Variants in SBK1 observed in about 807,000 individuals in gnomAD.
SBK1 encodes the protein SH3 domain binding kinase 1, also known as serine/threonine-protein kinase SBK1.
In SBK1, 11 loss-of-function variants were observed where a neutral mutation model predicts 24.4. That is an observed-to-expected ratio of 0.45 (90% CI 0.28 to 0.75). SBK1 has a LOEUF of 0.75. SBK1 is among the 30% of genes least tolerant of loss of function. SBK1 has a pLI of 0.12. For missense variants in SBK1, 467 were observed against 620.5 expected (o/e 0.75, Z 2.63); for synonymous variants, 308 against 284.4 (o/e 1.08, Z -0.83).
At chr16:28,266,549 G>A (rs2044429530) in intron 1 of SBK1, among the ~76,000 whole-genome samples, 1 of 151,968 alleles carries the variant, frequency 6.6e-6, no homozygotes, top group Non-Finnish European at 1.5e-5. Context: ...TGAAATCAAA[G>A]TGTTGACAGG....
intron 1 of SBK1, among the ~76,000 whole-genome samples, chr16:28,279,413 CAAAAAAAAA>C (rs34582546): frequency 1.2e-5 from 1 of 84,774 alleles, no homozygotes; most frequent in Non-Finnish European, 2.2e-5. Flanking sequence ...AAAACAAAAC[CAAAAAAAAA>C]AAAAAAAAAA....
chr16:28,258,836 T>A (rs1597004930), upstream of SBK1: 2 of 152,774 alleles, frequency 1.3e-5, no homozygotes, highest in South Asian at 4.1e-4. Context: ...CAGCTGCAGG[T>A]CCCAACCCTC....
In SBK1 at chr16:28,293,200, C is replaced by T. The variant is rs1259588721; in HGVS notation, c.-108C>T. On this transcript the variant is annotated 5_prime_UTR_variant, in exon 1 of 4. Transcript: ENST00000341901. The stretch of plus-strand genomic sequence containing the variant: ...GCCCCTGGCGGCACCGCTTGCACCC[C>T]GGTCCATGGTCGTGGCGCCCTGAGC... 2 of 985,414 alleles carry T rather than the reference C, an allele frequency of 2.0e-6. No homozygotes were observed. The highest frequency in any genetic ancestry group is 2.4e-6 in the Non-Finnish European group (2 of 830,006). The allele number at this position is 985,414 out of a possible 1,614,324, so 61.0% of individuals were successfully genotyped here. A position where few individuals can be genotyped will look rare whatever the true frequency, so the allele number is the denominator to read the frequency against.
rs539094698 is a variant in SBK1, at chr16:28,282,477, C to A, written c.257+22975C>A. ...CCCCGAACTTTGTGTCTCCTCTGTACCCCGGTCTCAGTAGGAATTTTACAT... is the reference window on the plus strand; with the variant it reads ...CCCCGAACTTTGTGTCTCCTCTGTAACCCGGTCTCAGTAGGAATTTTACAT... On this transcript the variant is annotated intron_variant, in intron 1 of 3. Transcript: ENST00000671413. 6.6e-5 allele frequency among the ~76,000 whole-genome samples: 10 copies of A among 152,280 alleles called. No homozygotes were observed. In the South Asian group the frequency reaches 1.9e-3, roughly 28 times the overall value.
At chr16:28,280,144 T>TATATATATATATATATATAC (rs1567672155) in intron 1 of SBK1, among the ~76,000 whole-genome samples, 2 of 94,960 alleles carry the variant, frequency 2.1e-5, no homozygotes, top group African/African-American at 3.7e-5. Context: ...TATATATATA[T>TATATATATATATATATATAC]ATATATGTGT....
At chr16:28,268,865 G>A (rs559799250) in intron 1 of SBK1, among the ~76,000 whole-genome samples, 23 of 152,240 alleles carry the variant, frequency 1.5e-4, no homozygotes, top group East Asian at 9.6e-4. Flanking sequence ...ACATTGTCCA[G>A]GAGAGGAGCT....
chr16:28,265,683 G>A (rs1288149811), intron 1 of SBK1, among the ~76,000 whole-genome samples: 1 of 151,980 alleles, frequency 6.6e-6, no homozygotes, highest in Admixed American at 6.6e-5. Flanking sequence ...TGATAAGAAT[G>A]CATCATGAAG....
At chr16:28,308,740 GGTGTGT>G (rs763015809) in intron 1 of SBK1, among the ~76,000 whole-genome samples, 3,644 of 130,566 alleles carry the variant, frequency 0.028, 109 homozygotes, top group African/African-American at 0.082. Flanking sequence ...CGTTCTTTGG[GGTGTGT>G]GTGTGTGTGT....
intron 1 of SBK1, among the ~76,000 whole-genome samples, chr16:28,312,634 C>A (rs1056611908): frequency 6.6e-6 from 1 of 152,176 alleles, no homozygotes; most frequent in African/African-American, 2.4e-5. Context: ...TGAGCGAGGC[C>A]AGGGCACATG....
chr16:28,317,351 G>A lies in SBK1; in HGVS notation c.-7-34G>A, dbSNP rs2044804473. On this transcript the variant is annotated intron_variant, in intron 1 of 3. Coordinates refer to ENST00000341901, the MANE Select transcript of SBK1 (RefSeq NM_001024401.3). This position sits in a 1 kb window ranked among gnomAD's most constrained non-coding sequence, Gnocchi z 4.2. ...CTGGAGGAGGGGACCCTTGCCTGAT[G>A]TCACACTTCATGCTCACCACCCCTA... is the stretch of plus-strand genomic sequence containing the variant. The A allele has an allele frequency of 6.5e-7, 1 of 1,548,564 alleles. No individual in the cohort carries two copies. Among genetic ancestry groups the A allele is most frequent in the Non-Finnish European group, 8.9e-7 (1 of 1,122,378 alleles).
intron 1 of SBK1, 101 bp downstream of exon 1, chr16:28,293,401 C>A: frequency 1.8e-6 from 1 of 545,152 alleles, no homozygotes; most frequent in Non-Finnish European, 2.3e-6. Context: ...CTCCCCCTTC[C>A]CCAGCGTCGC....
intron 1 of SBK1, among the ~76,000 whole-genome samples, chr16:28,313,011 T>C (rs191631360): frequency 1.3e-5 from 2 of 152,342 alleles, no homozygotes; most frequent in East Asian, 3.9e-4. Context: ...ATGCCTGTAA[T>C]TGCAGCTACT....
At chr16:28,261,318 G>A (rs2044396016) in intron 1 of SBK1, among the ~76,000 whole-genome samples, 1 of 152,074 alleles carries the variant, frequency 6.6e-6, no homozygotes, top group African/African-American at 2.4e-5. Flanking sequence ...CATCAGGCGG[G>A]GTGTGGTGGT....
At chr16:28,306,479 G>A (rs1444080379) in intron 1 of SBK1, among the ~76,000 whole-genome samples, 1 of 152,194 alleles carries the variant, frequency 6.6e-6, no homozygotes, top group Non-Finnish European at 1.5e-5. Context: ...CACTGTGCGG[G>A]GTGTTGGCAT....
chr16:28,323,833 A>G lies in SBK1; in HGVS notation c.*2912A>G, dbSNP rs1357767325. 1 of 152,344 alleles carries G rather than the reference A, an allele frequency of 6.6e-6. No homozygotes were observed. Among genetic ancestry groups the G allele is most frequent in the African/African-American group, 2.4e-5 (1 of 41,424 alleles). The allele number at this position is 152,344 out of a possible 1,614,324, so 9.4% of individuals were successfully genotyped here. On this transcript the variant is annotated 3_prime_UTR_variant, in exon 4 of 4. Transcript: ENST00000341901. ...ATGACGATTGCTATAAAAATAAACA[A>G]AAGTTTAGAAAAATGACCACTGGGT...
rs763965274 is a variant in SBK1 at position 28,320,384 on chromosome 16, G to C, written c.738G>C (p.Val246=). 6.3e-6 allele frequency: 10 copies of C among 1,592,394 alleles called. No homozygotes were observed. The highest frequency in any genetic ancestry group is 8.5e-6 in the Non-Finnish European group (10 of 1,175,838). Residue 246 remains valine (V), a synonymous_variant, in exon 4 of 4, where the codon GTG becomes GTC. Coordinates refer to ENST00000341901, the MANE Select transcript of SBK1 (RefSeq NM_001024401.3). The surrounding 1 kb of genome is among the most constrained non-coding windows in gnomAD (Gnocchi z 8.5). ...VWAFGVLIFC[V]LTGNFPWEAA... ...CCTTCGGCGTGCTCATCTTCTGCGT[G>C]CTCACCGGCAACTTCCCGTGGGAGG...
chr16:28,287,448 C>CAA (rs751846795), intron 1 of SBK1, among the ~76,000 whole-genome samples: 4 of 80,128 alleles, frequency 5.0e-5, no homozygotes, highest in Admixed American at 1.4e-4. Flanking sequence ...GACTCCATCT[C>CAA]AAAAAAAAAA....
At chr16:28,306,267 T>C (rs570398058) in intron 1 of SBK1, among the ~76,000 whole-genome samples, 1 of 152,282 alleles carries the variant, frequency 6.6e-6, no homozygotes, top group African/African-American at 2.4e-5. Flanking sequence ...GAGAGCCCGC[T>C]TGAGAATAAA....
At chr16:28,307,897 C>T (rs2044728263) in intron 1 of SBK1, among the ~76,000 whole-genome samples, 1 of 152,192 alleles carries the variant, frequency 6.6e-6, no homozygotes, top group African/African-American at 2.4e-5. Context: ...CTGTGCTTAT[C>T]ATCTAATAGA....
Sources: allele counts gnomAD v4.1 joint callset (sites outside exome capture counted in the v4.1 genomes callset), GRCh38; gene constraint gnomAD v4.1.1; non-coding constraint Gnocchi (gnomAD v3.1); transcripts MANE v1.5; gene names NCBI Gene and HGNC (gene_info 2026-07-23, HGNC 2026-07-21).